Variants in HDC observed in about 807,000 individuals in gnomAD.
The protein encoded by HDC is histidine decarboxylase.
HDC carries 27 observed loss-of-function variants against 64.4 expected under a neutral mutation model. The observed-to-expected ratio is 0.42, with a 90% CI of 0.31 to 0.58. HDC has a LOEUF of 0.58. Ranked by LOEUF, HDC falls within the 20% of genes least tolerant of loss-of-function variation. The probability of loss-of-function intolerance (pLI) is 0.16; values close to 1 mark genes in which losing one functional copy is unlikely to be tolerated. For missense variants in HDC, 711 were observed against 833.9 expected, an observed-to-expected ratio of 0.85 and a Z score of 1.81; for synonymous variants, 305 against 314.2, an observed-to-expected ratio of 0.97 and a Z score of 0.31.
intron 2 of HDC, among the ~76,000 whole-genome samples, chr15:50,259,510 C>T (rs895592116): frequency 6.6e-6 from 1 of 152,176 alleles, no homozygotes; most frequent in Non-Finnish European, 1.5e-5. Context: ...GTTCATCGGC[C>T]TCATGGATTA....
chr15:50,254,795 T>C, intron 4 of HDC, 131 bp from the exon 5 acceptor site: 3 of 917,282 alleles, frequency 3.3e-6, no homozygotes, highest in Non-Finnish European at 3.4e-6. Context: ...TATGTGTTTG[T>C]GTATGTGTGT....
At chr15:50,261,812 C>A (rs959505300) in intron 2 of HDC, among the ~76,000 whole-genome samples, 4 of 151,620 alleles carry the variant, frequency 2.6e-5, no homozygotes, top group Admixed American at 1.3e-4. Context: ...CGGGTTCAAG[C>A]GATTCTCCTA....
chr15:50,250,499 CAGAG>C lies in HDC; in HGVS notation c.1041+1927_1041+1930del, dbSNP rs369077005. On this transcript the variant is annotated intron_variant, in intron 9 of 11. Transcript: ENST00000267845. ...ACATTTTTATGAGTTATCTGGAAGACAGAGAGCACTGTAAAATCTCCAAACTCCT... is the reference window on the plus strand; with the variant it reads ...ACATTTTTATGAGTTATCTGGAAGACAGCACTGTAAAATCTCCAAACTCCT... Among the ~76,000 whole-genome samples, 404 of 152,226 alleles carry C rather than the reference CAGAG, an allele frequency of 2.7e-3. 4 individuals are homozygous for C. Among genetic ancestry groups the C allele is most frequent in the African/African-American group, 9.3e-3 (385 of 41,520 alleles).
rs562992467 is a variant in HDC, at chr15:50,247,399, T to A, written c.1140+846A>T. Among the ~76,000 whole-genome samples the A allele has an allele frequency of 3.3e-5, 5 of 152,314 alleles. No individual in the cohort carries two copies. The East Asian group carries it at 9.6e-4, about 29-fold the overall frequency. ...ATGTAAGCATAATAATTATTTTTTTTAAATGTTAAAAAAAATCATAGTTAC... is the reference window on the plus strand; with the variant it reads ...ATGTAAGCATAATAATTATTTTTTTAAAATGTTAAAAAAAATCATAGTTAC... On this transcript the variant is annotated intron_variant, in intron 10 of 11. Coordinates refer to ENST00000267845, the MANE Select transcript of HDC (RefSeq NM_002112.4).
chr15:50,254,738 TTCTCTCTCTCTCTCTCTCTC>T lies in HDC; in HGVS notation c.442-94_442-75del. The T allele has an allele frequency of 2.7e-5, 23 of 862,722 alleles. 1 individual carries two copies. In the African/African-American group the frequency reaches 3.5e-4, roughly 13 times the overall value. The allele number at this position is 862,722 out of a possible 1,614,324, so 53.4% of individuals were successfully genotyped here. On this transcript the variant is annotated intron_variant, in intron 4 of 11. Transcript: ENST00000267845. ...AAATTTCCCCAGGCTTTCTAGTTTT[TTCTCTCTCTCTCTCTCTCTC>T]TCTCTCTCTCTCTCTCTCTGTGTGT...
intron 4 of HDC, among the ~76,000 whole-genome samples, chr15:50,255,937 G>A (rs553117137): frequency 9.2e-5 from 14 of 152,352 alleles, no homozygotes; most frequent in African/African-American, 3.1e-4. Flanking sequence ...AAGATGAGGA[G>A]AGTGATGCTC....
At chr15:50,265,351 G>C (rs79174269) in intron 1 of HDC, among the ~76,000 whole-genome samples, 1 of 152,026 alleles carries the variant, frequency 6.6e-6, no homozygotes, top group East Asian at 1.9e-4. Context: ...AGCAAGGCAC[G>C]GTAGTGTGGA....
chr15:50,257,685 C>A (rs1392346060), intron 3 of HDC, 138 bp from the exon 4 acceptor site: 2 of 915,132 alleles, frequency 2.2e-6, no homozygotes. Context: ...CCACGTGCCT[C>A]TCTCCTGGTC....
At chr15:50,252,260 A>G (rs2045566296) in intron 9 of HDC, among the ~76,000 whole-genome samples, 170 bp downstream of exon 9, 1 of 152,206 alleles carries the variant, frequency 6.6e-6, no homozygotes. Context: ...GTTTCATTCT[A>G]TATACTTAGG....
At chr15:50,260,426 C>G (rs551585549) in intron 2 of HDC, among the ~76,000 whole-genome samples, 3 of 152,234 alleles carry the variant, frequency 2.0e-5, no homozygotes, top group African/African-American at 4.8e-5. Flanking sequence ...AGTTTCTCAT[C>G]GTAAAATAAA....
At position 50,248,312 on chromosome 15, in the gene HDC, C is replaced by T. The variant is rs370153946; in HGVS notation, c.1073G>A (p.Arg358His). 2.0e-5 allele frequency: 32 copies of T among 1,613,942 alleles called. No homozygotes were observed. The highest frequency in any genetic ancestry group is 2.7e-5 in the African/African-American group (2 of 74,920). ...AATCACGAACCAGAGTTTAACAGAG[C>T]GAAACCGTCGGCTCAGGGGGATCTG... The part of the protein sequence containing the change: ...HWQIPLSRRF[R>H]SVKLWFVIRS... Residue 358 changes from arginine to histidine, a missense_variant, in exon 10 of 12, where the codon CGC becomes CAC. Around this residue, in one of 3 missense-constraint regions of HDC, gnomAD observed 483 missense variants for 540.9 expected, o/e 0.89. Coordinates refer to ENST00000267845, the MANE Select transcript of HDC (RefSeq NM_002112.4). This position sits in a 1 kb window ranked among gnomAD's most constrained non-coding sequence, Gnocchi z 4.3.
At chr15:50,252,043 C>T (rs113907408) in intron 9 of HDC, among the ~76,000 whole-genome samples, 2,685 of 152,190 alleles carry the variant, frequency 0.018, 91 homozygotes, top group African/African-American at 0.061. Context: ...AGCAAGAAAG[C>T]TCTTTCCCCA....
At chr15:50,253,059 C>T in intron 7 of HDC, 1 of 505,704 alleles carries the variant, frequency 2.0e-6, no homozygotes, top group Non-Finnish European at 3.6e-6. Flanking sequence ...CATCCTGGCA[C>T]AGAAATCAAT....
chr15:50,249,397 G>A (rs767740678), intron 9 of HDC, among the ~76,000 whole-genome samples: 26 of 152,150 alleles, frequency 1.7e-4, no homozygotes, highest in Non-Finnish European at 2.4e-4. Flanking sequence ...GTCCCACTGC[G>A]TATTTATCTG....
rs749512582 is a variant in HDC, at chr15:50,242,412, T to C, written c.1837A>G (p.Arg613Gly). ...SVKNGGSSRV[R>G]IFSRFPEDMM... ...TCTTCTGGAAACCTGGAAAAGATTCTGACCCTGGAGGAGCCCCCATTCTTC... is the reference window on the plus strand; with the variant it reads ...TCTTCTGGAAACCTGGAAAAGATTCCGACCCTGGAGGAGCCCCCATTCTTC... The change falls in exon 12 of 12, where the codon AGA becomes GGA. Residue 613 changes from arginine (R) to glycine (G), a missense_variant. Physicochemically the swap from Arg to Gly is moderately radical, Grantham distance 125. Around this residue, in one of 3 missense-constraint regions of HDC, gnomAD observed 483 missense variants for 540.9 expected, o/e 0.89. Transcript: ENST00000267845. 2.5e-6 allele frequency: 4 copies of C among 1,614,108 alleles called. No homozygotes were observed. The African/African-American group carries it at 5.3e-5, about 22-fold the overall frequency.
intron 4 of HDC, 35 bp downstream of exon 4, chr15:50,257,390 C>G: frequency 6.2e-7 from 1 of 1,613,876 alleles, no homozygotes; most frequent in Non-Finnish European, 8.5e-7. Context: ...GCTACTTAGC[C>G]CCCAAGCTAG....
chr15:50,257,903 C>T (rs2045653536), intron 3 of HDC, among the ~76,000 whole-genome samples: 1 of 138,644 alleles, frequency 7.2e-6, no homozygotes. Context: ...TACCCCCGCC[C>T]ACCCACCCAC....
At chr15:50,255,908 T>C (rs978249035) in intron 4 of HDC, among the ~76,000 whole-genome samples, 1 of 152,218 alleles carries the variant, frequency 6.6e-6, no homozygotes, top group African/African-American at 2.4e-5. Flanking sequence ...TTTGAGATAA[T>C]TATGATTCTT....
intron 5 of HDC, 73 bp from the exon 6 acceptor site, chr15:50,254,346 T>A: frequency 6.3e-7 from 1 of 1,588,124 alleles, no homozygotes; most frequent in Non-Finnish European, 8.6e-7. Context: ...TGCTGAAGCC[T>A]AAGACTCGGG....
Sources: gnomAD v4.1 joint callset for allele counts (sites outside exome capture counted in the v4.1 genomes callset) on GRCh38, gnomAD v4.1.1 for gene constraint, gnomAD v4.1.1 regional missense constraint, Gnocchi (gnomAD v3.1) non-coding constraint, MANE v1.5 for transcripts, NCBI Gene and HGNC (gene_info 2026-07-23, HGNC 2026-07-21) for gene names.